The following REDIC1 variants were observed in gnomAD, a reference collection of about 807,000 sequenced individuals.
REDIC1 encodes HEI10 Interacting Protein 1.
chr12:39,808,323 A>T, the REDIC1 span, among the ~76,000 whole-genome samples: 2 of 152,182 alleles, frequency 1.3e-5, no homozygotes, highest in Non-Finnish European at 2.9e-5. Context: ...ATATGGGTGT[A>T]TCATAATTTG....
At chr12:39,663,511 G>C in the REDIC1 span, among the ~76,000 whole-genome samples, 2 of 151,974 alleles carry the variant, frequency 1.3e-5, no homozygotes, top group African/African-American at 4.8e-5. Flanking sequence ...GCATATAGTT[G>C]TGTTATGGTT....
the REDIC1 span, chr12:39,830,297 TG>T: frequency 6.4e-7 from 1 of 1,554,138 alleles, no homozygotes; most frequent in East Asian, 2.3e-5. Flanking sequence ...CTGGATTCCA[TG>T]TGCTTCTCTG....
At chr12:39,810,496 T>A in the REDIC1 span, among the ~76,000 whole-genome samples, 2 of 152,152 alleles carry the variant, frequency 1.3e-5, no homozygotes, top group East Asian at 3.9e-4. Flanking sequence ...TTACACTGGC[T>A]AGGATCTCCA....
chr12:39,656,897 AT>A, the REDIC1 span, among the ~76,000 whole-genome samples: 1 of 152,226 alleles, frequency 6.6e-6, no homozygotes, highest in South Asian at 2.1e-4. Context: ...TGTACAATGT[AT>A]TTGTTTTAAG....
the REDIC1 span, among the ~76,000 whole-genome samples, chr12:39,689,582 G>A: frequency 6.6e-6 from 1 of 152,134 alleles, no homozygotes; most frequent in African/African-American, 2.4e-5. Context: ...GAGAGAAAGT[G>A]TATAGAATAA....
chr12:39,666,956 T>C, the REDIC1 span, among the ~76,000 whole-genome samples: 4 of 152,234 alleles, frequency 2.6e-5, no homozygotes, highest in Non-Finnish European at 5.9e-5. Flanking sequence ...TTCTTCTCTC[T>C]TTTCTTCTTT....
chr12:39,712,017 T>TATGTATATATAA, the REDIC1 span, among the ~76,000 whole-genome samples: 1 of 39,164 alleles, frequency 2.6e-5, no homozygotes, highest in Non-Finnish European at 7.2e-5. Context: ...TACCTACCTG[T>TATGTATATATAA]ATGTATATAT....
chr12:39,754,843 TATAAA>T, the REDIC1 span, among the ~76,000 whole-genome samples: 4 of 152,072 alleles, frequency 2.6e-5, no homozygotes, highest in Non-Finnish European at 4.4e-5. Context: ...TTTTAGGTAT[TATAAA>T]ATATTTTTAA....
the REDIC1 span, among the ~76,000 whole-genome samples, chr12:39,655,594 T>C: frequency 6.6e-6 from 1 of 152,222 alleles, no homozygotes; most frequent in African/African-American, 2.4e-5. Context: ...AATTTCTTAA[T>C]GGTTTTTGCC....
the REDIC1 span, chr12:39,871,857 A>T: frequency 6.2e-7 from 1 of 1,612,908 alleles, no homozygotes; most frequent in Admixed American, 1.7e-5. Context: ...CCAGACTCCC[A>T]CAAGTGTGAA....
At chr12:39,752,081 T>A in the REDIC1 span, among the ~76,000 whole-genome samples, 16 of 152,130 alleles carry the variant, frequency 1.1e-4, no homozygotes, top group African/African-American at 3.6e-4. Flanking sequence ...ACATACTATA[T>A]GCCAGGCACT....
At chr12:39,640,962 G>A in the REDIC1 span, 5 of 1,610,104 alleles carry the variant, frequency 3.1e-6, no homozygotes, top group Non-Finnish European at 3.4e-6. Context: ...CAGGTCCAGG[G>A]TTCTGATCAA....
the REDIC1 span, among the ~76,000 whole-genome samples, chr12:39,740,343 T>A: frequency 6.8e-6 from 1 of 147,346 alleles, no homozygotes. Context: ...TTTTCAGAAT[T>A]TTTTTTAGCA....
chr12:39,674,999 T>C, the REDIC1 span, among the ~76,000 whole-genome samples: 1 of 152,170 alleles, frequency 6.6e-6, no homozygotes, highest in Non-Finnish European at 1.5e-5. Context: ...GGAGCCCTGC[T>C]TGCTTTCTTA....
the REDIC1 span, chr12:39,646,241 T>C: frequency 5.1e-6 from 2 of 391,282 alleles, no homozygotes; most frequent in East Asian, 4.9e-5. Flanking sequence ...TAGATATATG[T>C]TTATGTAATG....
the REDIC1 span, among the ~76,000 whole-genome samples, chr12:39,668,750 AT>A: frequency 6.0e-5 from 9 of 150,520 alleles, 1 homozygote; most frequent in East Asian, 1.9e-4. Context: ...GGCTTTGTTC[AT>A]TTTTTTTTGT....
chr12:39,712,472 A>G, the REDIC1 span, among the ~76,000 whole-genome samples: 1 of 142,110 alleles, frequency 7.0e-6, no homozygotes, highest in East Asian at 2.1e-4. Flanking sequence ...ACGTATGTAT[A>G]TATACATACA....
chr12:39,689,253 A>G, the REDIC1 span, among the ~76,000 whole-genome samples: 3 of 152,366 alleles, frequency 2.0e-5, 1 homozygote, highest in East Asian at 3.9e-4. Context: ...CTGAATCACT[A>G]CATGGAGGAA....
the REDIC1 span, among the ~76,000 whole-genome samples, chr12:39,726,031 G>T: frequency 9.9e-5 from 15 of 152,064 alleles, no homozygotes; most frequent in Admixed American, 9.2e-4. Flanking sequence ...TCAGTCACGT[G>T]GAACAAATTT....
Sources: allele counts gnomAD v4.1 joint callset (sites outside exome capture counted in the v4.1 genomes callset), GRCh38; gene constraint gnomAD v4.1.1; transcripts MANE v1.5; gene names NCBI Gene and HGNC (gene_info 2026-07-23, HGNC 2026-07-21).